Variants in CRB1 observed in about 807,000 individuals in gnomAD.
CRB1 encodes crumbs cell polarity complex component 1.
Under a neutral mutation model 120.0 loss-of-function variants are expected in CRB1, and 83 were observed. The ratio of observed to expected loss-of-function variants is 0.69; its 90% CI spans 0.58 to 0.83. The LOEUF is 0.83. Among genes scored for constraint, CRB1 ranks in the 40% least tolerant of loss-of-function variants. The pLI is 0.00. For missense variants in CRB1, 1,699 were observed against 1,687.6 expected, an observed-to-expected ratio of 1.01 and a Z score of -0.12; for synonymous variants, 625 against 612.5, an observed-to-expected ratio of 1.02 and a Z score of -0.30.
chr1:197,301,047 A>G (rs1233274582), intron 1 of CRB1, among the ~76,000 whole-genome samples: 1 of 152,028 alleles, frequency 6.6e-6, no homozygotes, highest in Non-Finnish European at 1.5e-5. Context: ...GATTTATTTC[A>G]AAACATTACT....
chr1:197,226,998 A>G, the CRB1 span, among the ~76,000 whole-genome samples: 2 of 152,176 alleles, frequency 1.3e-5, no homozygotes, highest in African/African-American at 2.4e-5. Context: ...GGTTCCTCCC[A>G]CAACATGTGG....
At chr1:197,302,411 A>C (rs1656920937) in intron 1 of CRB1, among the ~76,000 whole-genome samples, 3 of 152,208 alleles carry the variant, frequency 2.0e-5, no homozygotes, top group Admixed American at 1.3e-4. Flanking sequence ...TGTGTGTCTC[A>C]TTTCATTTTG....
chr1:197,376,276 T>A (rs1437022699), intron 5 of CRB1, among the ~76,000 whole-genome samples: 1 of 152,176 alleles, frequency 6.6e-6, no homozygotes, highest in Non-Finnish European at 1.5e-5. Flanking sequence ...CCCTAGCTCC[T>A]CTCTTGAACT....
At chr1:197,232,516 C>T in the CRB1 span, among the ~76,000 whole-genome samples, 11 of 152,088 alleles carry the variant, frequency 7.2e-5, no homozygotes, top group Non-Finnish European at 1.0e-4. Flanking sequence ...AACATGGTGT[C>T]CTTAGGGGCA....
At chr1:197,311,686 C>A (rs1198274462) in intron 1 of CRB1, among the ~76,000 whole-genome samples, 1 of 141,060 alleles carries the variant, frequency 7.1e-6, no homozygotes, top group Non-Finnish European at 1.5e-5. Flanking sequence ...ACATGCATCA[C>A]CTCATATAGT....
At chr1:197,393,658 A>G (rs1571461254) in intron 5 of CRB1, among the ~76,000 whole-genome samples, 2 of 152,104 alleles carry the variant, frequency 1.3e-5, no homozygotes, top group Admixed American at 6.6e-5. Flanking sequence ...GTATCACCCA[A>G]TTAGTTCAAA....
intron 11 of CRB1, among the ~76,000 whole-genome samples, chr1:197,467,538 C>T (rs1301029993): frequency 6.6e-6 from 1 of 152,130 alleles, no homozygotes; most frequent in Admixed American, 6.6e-5. Flanking sequence ...ATCCAGGATA[C>T]AATCAATTGC....
At chr1:197,432,400 A>G (rs966508573) in intron 8 of CRB1, among the ~76,000 whole-genome samples, 2 of 139,956 alleles carry the variant, frequency 1.4e-5, no homozygotes, top group African/African-American at 5.2e-5. Context: ...ACACACACAC[A>G]CACATAGTAA....
chr1:197,314,868 T>C (rs1657752509), intron 1 of CRB1, among the ~76,000 whole-genome samples: 1 of 152,202 alleles, frequency 6.6e-6, no homozygotes, highest in Admixed American at 6.5e-5. Context: ...CAGCAGATGA[T>C]ATCTGCTAGG....
At chr1:197,330,976 C>T (rs572738036) in intron 2 of CRB1, among the ~76,000 whole-genome samples, 22 of 152,198 alleles carry the variant, frequency 1.4e-4, no homozygotes, top group Admixed American at 3.9e-4. Context: ...GGGAGGATCA[C>T]GAGGTCAGGA....
At chr1:197,402,639 G>A (rs902717575) in intron 5 of CRB1, among the ~76,000 whole-genome samples, 4 of 152,036 alleles carry the variant, frequency 2.6e-5, no homozygotes, top group African/African-American at 9.7e-5. Context: ...GAAATTTTAA[G>A]GTCTAATTTC....
chr1:197,413,202 T>C (rs1211049824), intron 5 of CRB1, among the ~76,000 whole-genome samples: 3 of 152,146 alleles, frequency 2.0e-5, no homozygotes, highest in Non-Finnish European at 4.4e-5. Context: ...CAAAAAAGAA[T>C]CACTTTTTTT....
chr1:197,311,082 G>T (rs1269260331), intron 1 of CRB1, among the ~76,000 whole-genome samples: 1 of 152,186 alleles, frequency 6.6e-6, no homozygotes, highest in Non-Finnish European at 1.5e-5. Context: ...CACAATTTCA[G>T]ACTTCTAAAG....
chr1:197,277,079 C>T (rs1258471621), intron 1 of CRB1, among the ~76,000 whole-genome samples: 1 of 151,842 alleles, frequency 6.6e-6, no homozygotes, highest in African/African-American at 2.4e-5. Context: ...GCAAACACTA[C>T]AAATCAGTGT....
intron 5 of CRB1, among the ~76,000 whole-genome samples, chr1:197,385,607 A>T (rs1662175214): frequency 6.6e-6 from 1 of 152,064 alleles, no homozygotes; most frequent in Non-Finnish European, 1.5e-5. Context: ...TATTATTGTT[A>T]TACTATTATA....
chr1:197,438,415 A>G, intron 9 of CRB1, 132 bp from the exon 10 acceptor site: 3 of 1,069,360 alleles, frequency 2.8e-6, no homozygotes, highest in Non-Finnish European at 2.8e-6. Flanking sequence ...AGCACAATTA[A>G]GCATTTGTAG....
intron 1 of CRB1, among the ~76,000 whole-genome samples, chr1:197,272,529 A>C (rs1654963941): frequency 6.6e-6 from 1 of 151,854 alleles, no homozygotes; most frequent in Non-Finnish European, 1.5e-5. Flanking sequence ...TCAAGTGGAC[A>C]AGAAAAGTTA....
chr1:197,451,764 T>C (rs908372514), intron 11 of CRB1, among the ~76,000 whole-genome samples: 6 of 152,234 alleles, frequency 3.9e-5, no homozygotes, highest in Non-Finnish European at 8.8e-5. Context: ...GGAAAGTTTG[T>C]TTAAATTGCG....
chr1:197,287,647 T>G (rs1201712440), intron 1 of CRB1, among the ~76,000 whole-genome samples: 1 of 151,660 alleles, frequency 6.6e-6, no homozygotes, highest in Non-Finnish European at 1.5e-5. Flanking sequence ...CAAAGCAAAA[T>G]TTCCTCATGT....
Sources: allele counts gnomAD v4.1 joint callset (sites outside exome capture counted in the v4.1 genomes callset), GRCh38; gene constraint gnomAD v4.1.1; transcripts MANE v1.5; gene names NCBI Gene and HGNC (gene_info 2026-07-23, HGNC 2026-07-21).